GFRA1: variants seen among roughly 807,000 people sequenced by gnomAD.
GFRA1 encodes GDNF family receptor alpha-1.
In GFRA1, 16 loss-of-function variants were observed where a neutral mutation model predicts 51.6. The observed-to-expected ratio is 0.31, with a 90% CI of 0.21 to 0.47. The LOEUF (loss-of-function observed/expected upper bound fraction) is 0.47. Ranked by LOEUF, GFRA1 falls within the 20% of genes least tolerant of loss-of-function variation. The pLI is 1.00. For missense variants in GFRA1, 530 were observed against 594.3 expected, an observed-to-expected ratio of 0.89 and a Z score of 1.13; for synonymous variants, 270 against 241.3, an observed-to-expected ratio of 1.12 and a Z score of -1.10.
chr10:116,202,208 C>G (rs1964390769), intron 5 of GFRA1, among the ~76,000 whole-genome samples: 1 of 152,104 alleles, frequency 6.6e-6, no homozygotes, highest in Non-Finnish European at 1.5e-5. Flanking sequence ...ATCATTCTGA[C>G]AGTGGGAGAA....
rs185699127 is a variant in GFRA1, at chr10:116,200,840, G to A, written c.433+10791C>T. ...AGGATTTTAACATATGACTTTGGGG[G>A]AAACAAAAACATTTAAGTTTATACC... is the stretch of plus-strand genomic sequence containing the variant. On this transcript the variant is annotated intron_variant, in intron 5 of 10. Transcript: ENST00000355422. 2.3e-3 allele frequency among the ~76,000 whole-genome samples: 353 copies of A among 152,256 alleles called. 2 individuals carry two copies. Among genetic ancestry groups the A allele is most frequent in the African/African-American group, 8.0e-3 (332 of 41,546 alleles).
chr10:116,197,277 T>G (rs1963960988), intron 5 of GFRA1, among the ~76,000 whole-genome samples: 1 of 152,052 alleles, frequency 6.6e-6, no homozygotes, highest in Admixed American at 6.6e-5. Context: ...AGAGACCTGC[T>G]TTACTCCTTC....
intron 4 of GFRA1, among the ~76,000 whole-genome samples, chr10:116,253,912 C>T (rs1321001133): frequency 6.6e-6 from 1 of 152,076 alleles, no homozygotes; most frequent in Non-Finnish European, 1.5e-5. Flanking sequence ...AGCTATGTGG[C>T]CTTAGGCAGG....
At chr10:116,264,975 C>T (rs1174323985) in intron 4 of GFRA1, among the ~76,000 whole-genome samples, 1 of 152,212 alleles carries the variant, frequency 6.6e-6, no homozygotes, top group East Asian at 1.9e-4. Context: ...TTACAAGGCT[C>T]TTCTCCAACA....
chr10:116,113,184 A>T (rs1263091000), intron 6 of GFRA1, among the ~76,000 whole-genome samples: 1 of 148,390 alleles, frequency 6.7e-6, no homozygotes, highest in African/African-American at 2.5e-5. Flanking sequence ...CTTCTCCCTA[A>T]TTTTTTTTTT....
At chr10:116,110,383 C>T (rs10787620) in intron 6 of GFRA1, among the ~76,000 whole-genome samples, 80,024 of 151,934 alleles carry the variant, frequency 0.53, 21,770 homozygotes, top group South Asian at 0.6. Context: ...AGAAGAAACA[C>T]GCCTGCAGGG....
chr10:116,126,679 G>A (rs534272926), intron 5 of GFRA1, among the ~76,000 whole-genome samples: 1 of 152,226 alleles, frequency 6.6e-6, no homozygotes, highest in South Asian at 2.1e-4. Flanking sequence ...ACAGCTGTGG[G>A]ATGAGACACC....
chr10:116,128,863 TA>T (rs1466107407), intron 5 of GFRA1, among the ~76,000 whole-genome samples: 1 of 147,570 alleles, frequency 6.8e-6, no homozygotes, highest in Non-Finnish European at 1.5e-5. Flanking sequence ...ATATTTTTTT[TA>T]AAAAGGCTTT....
intron 5 of GFRA1, among the ~76,000 whole-genome samples, chr10:116,161,162 G>A (rs930241423): frequency 3.3e-5 from 5 of 152,184 alleles, no homozygotes; most frequent in African/African-American, 9.7e-5. Flanking sequence ...TGGATAGACA[G>A]GAGGGGTAGG....
rs184787222 is a variant in GFRA1, at chr10:116,101,630, C to T, written c.771-4866G>A. On this transcript the variant is annotated intron_variant, in intron 6 of 10. Transcript: ENST00000355422. ...GGGGAGAAAATTATTTACCTACTTT[C>T]TCTGCAACAGTTTTAGGAAAGTAGT... 2.6e-3 allele frequency among the ~76,000 whole-genome samples: 400 copies of T among 152,298 alleles called. 1 individual carries two copies. Among genetic ancestry groups the T allele is most frequent in the African/African-American group, 9.3e-3 (387 of 41,554 alleles).
chr10:116,258,386 T>TATATC (rs1356457065), intron 4 of GFRA1, among the ~76,000 whole-genome samples: 1 of 123,142 alleles, frequency 8.1e-6, no homozygotes, highest in African/African-American at 3.0e-5. Context: ...TCTAATATAT[T>TATATC]AATTAATAAA....
chr10:116,238,581 G>A (rs985745792), intron 4 of GFRA1, among the ~76,000 whole-genome samples: 18 of 152,266 alleles, frequency 1.2e-4, no homozygotes, highest in Admixed American at 9.8e-4. Context: ...CTGATGTTTT[G>A]CTGTCTTGAT....
chr10:116,172,520 G>C (rs990724834), intron 5 of GFRA1, among the ~76,000 whole-genome samples: 1 of 152,174 alleles, frequency 6.6e-6, no homozygotes, highest in African/African-American at 2.4e-5. Flanking sequence ...GGATGCAAAG[G>C]CTTCCAAGAG....
chr10:116,227,933 A>C (rs999421993), intron 4 of GFRA1, among the ~76,000 whole-genome samples: 2 of 152,222 alleles, frequency 1.3e-5, no homozygotes, highest in Non-Finnish European at 2.9e-5. Flanking sequence ...CCTCAGTTAG[A>C]GGCTATCAAG....
intron 5 of GFRA1, among the ~76,000 whole-genome samples, chr10:116,127,367 G>A (rs1381143507): frequency 2.6e-5 from 4 of 152,270 alleles, no homozygotes; most frequent in African/African-American, 9.6e-5. Context: ...CTGAAGATGC[G>A]TCTTGCTTTC....
chr10:116,243,370 C>A (rs1967558647), intron 4 of GFRA1, among the ~76,000 whole-genome samples: 2 of 152,130 alleles, frequency 1.3e-5, no homozygotes, highest in South Asian at 4.2e-4. Context: ...ATGTAGAAAC[C>A]TTCCATTTGA....
intron 4 of GFRA1, among the ~76,000 whole-genome samples, chr10:116,228,494 A>G (rs1966462322): frequency 6.6e-6 from 1 of 152,202 alleles, no homozygotes; most frequent in Non-Finnish European, 1.5e-5. Flanking sequence ...ATGGCAAATG[A>G]GACTTTGCAG....
At chr10:116,132,583 C>A (rs762194130) in intron 5 of GFRA1, among the ~76,000 whole-genome samples, 1 of 151,590 alleles carries the variant, frequency 6.6e-6, no homozygotes, top group Non-Finnish European at 1.5e-5. Context: ...TCCTTTCGCC[C>A]GCTAACTTAG....
intron 4 of GFRA1, among the ~76,000 whole-genome samples, chr10:116,214,267 G>A (rs1156577680): frequency 6.6e-6 from 1 of 152,158 alleles, no homozygotes; most frequent in Non-Finnish European, 1.5e-5. Context: ...CTGTGCTCCT[G>A]GAGTAATTTG....
Sources: gnomAD v4.1 joint callset for allele counts (sites outside exome capture counted in the v4.1 genomes callset) on GRCh38, gnomAD v4.1.1 for gene constraint, MANE v1.5 for transcripts, NCBI Gene and HGNC (gene_info 2026-07-23, HGNC 2026-07-21) for gene names.